Variants in EYA4 observed in about 807,000 individuals in gnomAD.
EYA4 encodes protein phosphatase EYA4.
A neutral mutation model predicts 87.9 loss-of-function variants in EYA4; 31 were observed. The observed-to-expected ratio is 0.35, with a 90% CI of 0.27 to 0.48. EYA4 has a LOEUF of 0.48. Ranked by LOEUF, EYA4 falls within the 20% of genes least tolerant of loss-of-function variation. EYA4 has a pLI of 0.99. For synonymous variants in EYA4, 263 were observed against 270.6 expected (o/e 0.97, Z 0.28); for missense variants, 678 against 761.4 (o/e 0.89, Z 1.29).
chr6:133,384,552 G>A (rs991506976), intron 3 of EYA4, among the ~76,000 whole-genome samples: 1 of 152,126 alleles, frequency 6.6e-6, no homozygotes, highest in Non-Finnish European at 1.5e-5. Flanking sequence ...TTCTTAAAAT[G>A]TGAGATGGAA....
rs547871841 is a variant in EYA4 at position 133,368,544 on chromosome 6, A to G, written c.34-13848A>G. On this transcript the variant is annotated intron_variant, in intron 2 of 19. Transcript: ENST00000355286. The stretch of plus-strand genomic sequence containing the variant: ...CTTTAAAAATATAATTTATACCACA[A>G]TACTCAACAGGCTCCAACTGCTTGA... Among the ~76,000 whole-genome samples, 44 of 152,334 alleles carry G rather than the reference A, an allele frequency of 2.9e-4. No homozygotes were observed. In the South Asian group the frequency reaches 3.1e-3, roughly 11 times the overall value.
At chr6:133,484,434 C>T (rs1796515696) in intron 13 of EYA4, among the ~76,000 whole-genome samples, 2 of 152,172 alleles carry the variant, frequency 1.3e-5, no homozygotes. Context: ...TTGGGTGAAT[C>T]TGCATTGTCA....
chr6:133,388,913 T>C (rs1787009229), intron 3 of EYA4, among the ~76,000 whole-genome samples: 1 of 152,314 alleles, frequency 6.6e-6, no homozygotes, highest in East Asian at 1.9e-4. Flanking sequence ...TGGCCCACAG[T>C]GCCTAGCATG....
chr6:133,284,947 G>A (rs960873636), intron 2 of EYA4, among the ~76,000 whole-genome samples: 2 of 151,946 alleles, frequency 1.3e-5, no homozygotes, highest in Admixed American at 6.6e-5. Flanking sequence ...GGAAGTGCTT[G>A]CGGGCAGGGT....
intron 2 of EYA4, among the ~76,000 whole-genome samples, chr6:133,330,887 G>C (rs1781888162): frequency 1.3e-5 from 2 of 151,906 alleles, no homozygotes; most frequent in Admixed American, 1.3e-4. Flanking sequence ...GTAACTAGAA[G>C]AGCCTAAAAA....
intron 3 of EYA4, among the ~76,000 whole-genome samples, chr6:133,417,447 G>A (rs1789819510): frequency 6.6e-6 from 1 of 152,148 alleles, no homozygotes; most frequent in African/African-American, 2.4e-5. Flanking sequence ...GACCTGAATA[G>A]GGTGGAGTGA....
rs1489604705 is a variant in EYA4 at position 133,529,671 on chromosome 6, C to T, written c.*866C>T. On this transcript the variant is annotated 3_prime_UTR_variant, in exon 20 of 20. Coordinates refer to ENST00000355286, the MANE Select transcript of EYA4 (RefSeq NM_004100.5). ...CAATAATAAAGGAAAGCTTGTGTTT[C>T]ATTTGGGTTCTTAATAATTCCAATA... 15 of 984,538 alleles carry T rather than the reference C, an allele frequency of 1.5e-5. No individual in the cohort carries two copies. Among genetic ancestry groups the T allele is most frequent in the Non-Finnish European group, 1.8e-5 (15 of 829,258 alleles). The allele number at this position is 984,538 out of a possible 1,614,324, so 61.0% of individuals were successfully genotyped here.
At chr6:133,448,960 TA>T (rs1268563703) in intron 5 of EYA4, among the ~76,000 whole-genome samples, 1 of 152,230 alleles carries the variant, frequency 6.6e-6, no homozygotes, top group Non-Finnish European at 1.5e-5. Context: ...GACCTTGCTC[TA>T]TCTCTGATGA....
intron 2 of EYA4, among the ~76,000 whole-genome samples, chr6:133,289,260 T>A (rs1023332362): frequency 1.3e-5 from 2 of 152,220 alleles, no homozygotes; most frequent in African/African-American, 4.8e-5. Context: ...TTTTCCAAAG[T>A]GCTCTTCCTT....
rs995121778 is a variant in EYA4 at position 133,531,546 on chromosome 6, G to T, written c.*2741G>T. ...TGTATACAGCTTGGTATATTACTAC[G>T]AAAGATAACCACCTTGTGTTGCACC... is the stretch of plus-strand genomic sequence containing the variant. On this transcript the variant is annotated 3_prime_UTR_variant, in exon 20 of 20. Transcript: ENST00000355286. 1 of 294,630 alleles carries T rather than the reference G, an allele frequency of 3.4e-6. No homozygotes were observed. Among genetic ancestry groups the T allele is most frequent in the African/African-American group, 2.2e-5 (1 of 46,466 alleles). 18.3% of individuals were successfully genotyped at this position (294,630 alleles called of 1,614,324 possible). A position where few individuals can be genotyped will look rare whatever the true frequency, so the allele number is the denominator to read the frequency against.
intron 13 of EYA4, among the ~76,000 whole-genome samples, chr6:133,486,564 A>G (rs1046653154): frequency 6.6e-6 from 1 of 152,208 alleles, no homozygotes; most frequent in Admixed American, 6.5e-5. Flanking sequence ...CAAAACAAAA[A>G]AAAACACATT....
intron 1 of EYA4, among the ~76,000 whole-genome samples, chr6:133,256,584 A>T (rs1302374328): frequency 6.6e-6 from 1 of 152,128 alleles, no homozygotes; most frequent in African/African-American, 2.4e-5. Flanking sequence ...GTGTTGATAA[A>T]TATTATTATA....
intron 13 of EYA4, among the ~76,000 whole-genome samples, chr6:133,491,395 T>C (rs1797140178): frequency 6.6e-6 from 1 of 151,710 alleles, no homozygotes; most frequent in Non-Finnish European, 1.5e-5. Flanking sequence ...ATAAACAAAA[T>C]AGACAAATCT....
At chr6:133,310,488 G>A (rs1780133848) in intron 2 of EYA4, among the ~76,000 whole-genome samples, 1 of 152,102 alleles carries the variant, frequency 6.6e-6, no homozygotes, top group African/African-American at 2.4e-5. Context: ...TTTTCTTCTA[G>A]CTTTGGTGAG....
chr6:133,427,417 G>A (rs2128575831), intron 3 of EYA4, among the ~76,000 whole-genome samples: 1 of 152,224 alleles, frequency 6.6e-6, no homozygotes, highest in South Asian at 2.1e-4. Context: ...TTACAGAAGT[G>A]GATAAATGGA....
Position 133,531,805 on chromosome 6 carries a change from G to A in EYA4, c.*3000G>A, listed in dbSNP as rs1163923966. ...AGATTCAGAATAGTGTCAACAGCAT[G>A]CTCCTATATGAAGTTGTTTTTTTTA... On this transcript the variant is annotated 3_prime_UTR_variant, in exon 20 of 20. Transcript: ENST00000355286. 6.6e-6 allele frequency: 1 copy of A among 152,240 alleles called. No individual in the cohort carries two copies. The highest frequency in any genetic ancestry group is 1.9e-4 in the East Asian group (1 of 5,196). 9.4% of individuals were successfully genotyped at this position (152,240 alleles called of 1,614,324 possible). A position where few individuals can be genotyped will look rare whatever the true frequency, so the allele number is the denominator to read the frequency against.
intron 17 of EYA4, among the ~76,000 whole-genome samples, chr6:133,520,601 C>T (rs1800031494): frequency 8.2e-6 from 1 of 121,712 alleles, no homozygotes; most frequent in Non-Finnish European, 1.7e-5. Context: ...CATCAAGCTA[C>T]CAATGCCTTT....
At position 133,408,488 on chromosome 6, in the gene EYA4, GA is replaced by G. The variant is rs139701177; in HGVS notation, c.83+26056del. 8.1e-3 allele frequency among the ~76,000 whole-genome samples: 1,220 copies of G among 150,842 alleles called. 17 individuals carry two copies. The highest frequency in any genetic ancestry group is 0.029 in the African/African-American group (1,176 of 41,108). On this transcript the variant is annotated intron_variant, in intron 3 of 19. Coordinates refer to ENST00000355286, the MANE Select transcript of EYA4 (RefSeq NM_004100.5). The stretch of plus-strand genomic sequence containing the variant: ...ATGAATCTCAGCAAGTTCAGTTTTG[GA>G]AAAAAAAATTAAATTTATTATTACA...
intron 2 of EYA4, among the ~76,000 whole-genome samples, chr6:133,281,513 C>T (rs1177854508): frequency 6.6e-6 from 1 of 152,184 alleles, no homozygotes. Flanking sequence ...ATACTTACTC[C>T]TATGATTTCT....
Sources: allele counts gnomAD v4.1 joint callset (sites outside exome capture counted in the v4.1 genomes callset), GRCh38; gene constraint gnomAD v4.1.1; transcripts MANE v1.5; gene names NCBI Gene and HGNC (gene_info 2026-07-23, HGNC 2026-07-21).